DNAH17: variants seen among roughly 807,000 people sequenced by gnomAD.
The protein encoded by DNAH17 is dynein axonemal heavy chain 17.
A neutral mutation model predicts 485.6 loss-of-function variants in DNAH17; 376 were observed. The observed-to-expected ratio is 0.77, with a 90% CI of 0.71 to 0.84. The LOEUF is 0.84. Among genes scored for constraint, DNAH17 ranks in the 40% least tolerant of loss-of-function variants. The pLI, the probability that DNAH17 is intolerant of heterozygous loss-of-function variation, is 0.00. For synonymous variants in DNAH17, 3,031 were observed against 2,405.9 expected (o/e 1.26, Z -7.60); for missense variants, 6,370 against 5,839.3 (o/e 1.09, Z -2.96).
intron 16 of DNAH17, among the ~76,000 whole-genome samples, chr17:78,544,319 G>A (rs754434516): frequency 4.6e-5 from 7 of 152,214 alleles, no homozygotes; most frequent in Non-Finnish European, 1.0e-4. Context: ...CTCTTTAGGG[G>A]GACGGAAGGA....
At chr17:78,429,795 G>A (rs1173822939) in intron 75 of DNAH17, among the ~76,000 whole-genome samples, 1 of 152,164 alleles carries the variant, frequency 6.6e-6, no homozygotes, top group Admixed American at 6.5e-5. Context: ...TTTTGGCCAC[G>A]AAGTCGTTAG....
intron 52 of DNAH17, among the ~76,000 whole-genome samples, chr17:78,476,123 C>T (rs539933301): frequency 9.2e-5 from 14 of 152,278 alleles, no homozygotes; most frequent in African/African-American, 3.4e-4. Context: ...CAGAGCCAAG[C>T]AGGGCCTTTC....
intron 21 of DNAH17, 79 bp from the exon 22 acceptor site, chr17:78,529,773 G>T: frequency 6.9e-7 from 1 of 1,452,614 alleles, no homozygotes. Flanking sequence ...CCATGAGAGG[G>T]GGACGACCGC....
chr17:78,560,641 T>C (rs986303292), intron 13 of DNAH17, 99 bp downstream of exon 13: 48 of 1,292,890 alleles, frequency 3.7e-5, no homozygotes, highest in Non-Finnish European at 4.8e-5. Flanking sequence ...AACTGTGATA[T>C]AAACATCGAC....
chr17:78,478,572 T>C (rs1265501788), intron 51 of DNAH17, among the ~76,000 whole-genome samples: 1 of 149,120 alleles, frequency 6.7e-6, no homozygotes, highest in East Asian at 2.0e-4. Context: ...ATCATGACCA[T>C]CACCATTACC....
At position 78,480,769 on chromosome 17, in the gene DNAH17, A is replaced by G; in HGVS notation, c.7667T>C (p.Leu2556Pro). 1 of 1,613,294 alleles carries G rather than the reference A, an allele frequency of 6.2e-7. No homozygotes were observed. The highest frequency in any genetic ancestry group is 8.5e-7 in the Non-Finnish European group (1 of 1,179,666). The change falls in exon 49 of 81, where the codon CTG becomes CCG. Residue 2556 changes from leucine (L) to proline (P), a missense_variant. Coordinates refer to ENST00000389840, the MANE Select transcript of DNAH17 (RefSeq NM_173628.4). ...ACAATTATGGATATCTTTTAACGTC[A>G]GCTTATGTCTGTCATACCTGAGGGG... ...DHRHWYDRHK[L>P]TLKDIHNCQY...
chr17:78,511,117 G>GTT (rs1461997530), intron 26 of DNAH17, among the ~76,000 whole-genome samples: 1 of 152,164 alleles, frequency 6.6e-6, no homozygotes, highest in Non-Finnish European at 1.5e-5. Context: ...ACACAGGTCT[G>GTT]TTTTCTTTCT....
chr17:78,488,453 C>T (rs895779182), intron 44 of DNAH17, among the ~76,000 whole-genome samples: 2 of 152,168 alleles, frequency 1.3e-5, no homozygotes, highest in Non-Finnish European at 2.9e-5. Context: ...CTGCCTTGGC[C>T]CACGCTGCCT....
At chr17:78,495,695 C>T (rs2090045501) in intron 38 of DNAH17, among the ~76,000 whole-genome samples, 180 bp downstream of exon 38, 1 of 152,168 alleles carries the variant, frequency 6.6e-6, no homozygotes, top group Non-Finnish European at 1.5e-5. Context: ...TCCTCAGCCG[C>T]CCAAAGTGCT....
Position 78,571,638 on chromosome 17 carries a change from G to C in DNAH17, c.684C>G (p.Phe228Leu). ...DGLHPLPQVE[F>L]EFWDTRLLNL... ...TCAGCAGCCGAGTGTCCCAGAACTC[G>C]AACTCCACTTGGGGCAGGGGGTGCA... is the stretch of plus-strand genomic sequence containing the variant. Residue 228 changes from phenylalanine to leucine, a missense_variant, in exon 4 of 81, where the codon TTC (phenylalanine) becomes TTG (leucine). Phe to Leu is a conservative substitution (Grantham distance 22). Transcript: ENST00000389840. The C allele has an allele frequency of 6.2e-7, 1 of 1,613,968 alleles. No homozygotes were observed. The highest frequency in any genetic ancestry group is 1.1e-5 in the South Asian group (1 of 91,060).
chr17:78,434,718 C>T (rs2086802898), intron 74 of DNAH17, among the ~76,000 whole-genome samples: 1 of 152,114 alleles, frequency 6.6e-6, no homozygotes, highest in Non-Finnish European at 1.5e-5. Flanking sequence ...TATCTGGCTC[C>T]AGGGAAGGGA....
Position 78,570,415 on chromosome 17 carries a change from C to T in DNAH17, c.919-43G>A, listed in dbSNP as rs771806688. ...CAGGCACACTGGAGGGGACTGGCCGCTGCACCTTATCCCGGTGTCCCAGCC... is the reference window on the plus strand; with the variant it reads ...CAGGCACACTGGAGGGGACTGGCCGTTGCACCTTATCCCGGTGTCCCAGCC... On this transcript the variant is annotated intron_variant, in intron 6 of 80. Coordinates refer to ENST00000389840, the MANE Select transcript of DNAH17 (RefSeq NM_173628.4). 13 of 1,588,210 alleles carry T rather than the reference C, an allele frequency of 8.2e-6. No homozygotes were observed. The Admixed American group carries it at 8.8e-5, about 11-fold the overall frequency.
chr17:78,574,597 C>G, intron 2 of DNAH17, 116 bp downstream of exon 2: 2 of 894,512 alleles, frequency 2.2e-6, no homozygotes, highest in Admixed American at 2.8e-5. Context: ...CCAATCCCTC[C>G]CCGGCTCTGC....
At chr17:78,493,800 G>A (rs1413767688) in intron 41 of DNAH17, among the ~76,000 whole-genome samples, 3 of 152,240 alleles carry the variant, frequency 2.0e-5, no homozygotes, top group East Asian at 1.9e-4. Context: ...AGGAAGACAA[G>A]GAGGAACAGG....
intron 63 of DNAH17, 33 bp from the exon 64 acceptor site, chr17:78,454,738 T>A: frequency 6.4e-7 from 1 of 1,555,122 alleles, no homozygotes; most frequent in Non-Finnish European, 8.8e-7. Flanking sequence ...TTAGAGGGGG[T>A]AATGCGACCT....
At position 78,536,195 on chromosome 17, in the gene DNAH17, T is replaced by A. The variant is rs779287337; in HGVS notation, c.2859+1104A>T. ...TGGCTCACACCTGTAATCCCAGCACTTTGGGAGGCCAAGGCGGGTGGATCA... is the reference window on the plus strand; with the variant it reads ...TGGCTCACACCTGTAATCCCAGCACATTGGGAGGCCAAGGCGGGTGGATCA... On this transcript the variant is annotated intron_variant, in intron 19 of 80. Transcript: ENST00000389840. Among the ~76,000 whole-genome samples, 301 of 152,166 alleles carry A rather than the reference T, an allele frequency of 2.0e-3. 2 individuals carry two copies. The highest frequency in any genetic ancestry group is 3.2e-3 in the Non-Finnish European group (218 of 67,980).
At chr17:78,545,685 C>T (rs75099088) in intron 16 of DNAH17, among the ~76,000 whole-genome samples, 21,666 of 152,146 alleles carry the variant, frequency 0.14, 1,721 homozygotes, top group East Asian at 0.3. Flanking sequence ...ACGTACAGTC[C>T]ATGGCAGTAT....
chr17:78,567,491 G>A (rs1248170908), intron 9 of DNAH17, among the ~76,000 whole-genome samples: 1 of 152,188 alleles, frequency 6.6e-6, no homozygotes, highest in Non-Finnish European at 1.5e-5. Flanking sequence ...ATCACACTCT[G>A]CTGGGACCTC....
At chr17:78,457,087 G>A (rs1355926044) in intron 62 of DNAH17, among the ~76,000 whole-genome samples, 1 of 152,216 alleles carries the variant, frequency 6.6e-6, no homozygotes, top group African/African-American at 2.4e-5. Context: ...AAGGCATGAA[G>A]GGGCCGGGCG....
Sources: gnomAD v4.1 joint callset for allele counts (sites outside exome capture counted in the v4.1 genomes callset) on GRCh38, gnomAD v4.1.1 for gene constraint, MANE v1.5 for transcripts, NCBI Gene and HGNC (gene_info 2026-07-23, HGNC 2026-07-21) for gene names.